Variants in DPP10 observed in about 807,000 individuals in gnomAD.
DPP10 encodes the protein inactive dipeptidyl peptidase 10.
DPP10 carries 33 observed loss-of-function variants against 120.9 expected under a neutral mutation model. The ratio of observed to expected loss-of-function variants is 0.27; its 90% CI spans 0.21 to 0.37. The LOEUF is 0.37. DPP10 is among the 10% of genes least tolerant of loss of function. The pLI, the probability that DPP10 is intolerant of heterozygous loss-of-function variation, is 1.00. For missense variants in DPP10, 816 were observed against 942.8 expected, an observed-to-expected ratio of 0.87 and a Z score of 1.76; for synonymous variants, 337 against 326.1, an observed-to-expected ratio of 1.03 and a Z score of -0.36.
At chr2:115,399,290 T>C (rs1233650820) in intron 3 of DPP10, among the ~76,000 whole-genome samples, 1 of 152,190 alleles carries the variant, frequency 6.6e-6, no homozygotes, top group Admixed American at 6.6e-5. Flanking sequence ...GGGTGGATAA[T>C]TATTTCTGTT....
chr2:115,355,684 G>T (rs2106326998), intron 3 of DPP10, among the ~76,000 whole-genome samples: 1 of 152,116 alleles, frequency 6.6e-6, no homozygotes, highest in Admixed American at 6.6e-5. Flanking sequence ...TTTTTAGTAT[G>T]TTGGGTTTTA....
At chr2:115,683,468 G>C (rs1041100360) in intron 5 of DPP10, among the ~76,000 whole-genome samples, 1 of 151,824 alleles carries the variant, frequency 6.6e-6, no homozygotes, top group African/African-American at 2.4e-5. Context: ...ACAACATCAA[G>C]AGTAAACCCT....
intron 1 of DPP10, among the ~76,000 whole-genome samples, chr2:114,711,949 T>C (rs1701054678): frequency 1.3e-5 from 2 of 152,186 alleles, no homozygotes; most frequent in African/African-American, 4.8e-5. Context: ...ATATGTAGAA[T>C]AGAAAGTCAA....
chr2:115,809,680 A>G (rs116600278), intron 19 of DPP10, among the ~76,000 whole-genome samples: 2,768 of 152,258 alleles, frequency 0.018, 83 homozygotes, highest in African/African-American at 0.061. Flanking sequence ...TAGAAAGAGC[A>G]ATGAACTGAG....
At chr2:115,567,096 A>G (rs2081051326) in intron 5 of DPP10, among the ~76,000 whole-genome samples, 1 of 152,130 alleles carries the variant, frequency 6.6e-6, no homozygotes, top group Admixed American at 6.5e-5. Context: ...ATGTCAAAGT[A>G]CAGATTTCAA....
In DPP10 at chr2:115,006,803, G is replaced by C. The variant is rs1701881134; in HGVS notation, c.61-302436G>C. The stretch of plus-strand genomic sequence containing the variant: ...AACACCCCACTGTCAACATTAGACA[G>C]ATCAATGAGACAGAAAGTCAACAAG... On this transcript the variant is annotated intron_variant, in intron 1 of 25. Coordinates refer to ENST00000410059, the MANE Select transcript of DPP10 (RefSeq NM_020868.6). Among the ~76,000 whole-genome samples the C allele has an allele frequency of 5.3e-5, 8 of 151,950 alleles. No individual in the cohort carries two copies. The South Asian group carries it at 1.7e-3, about 32-fold the overall frequency.
In DPP10 at chr2:115,342,788, T is replaced by A. The variant is rs182682435; in HGVS notation, c.176-1029T>A. 5.2e-4 allele frequency among the ~76,000 whole-genome samples: 79 copies of A among 152,340 alleles called. 2 individuals carry two copies. In the East Asian group the frequency reaches 0.014, roughly 28 times the overall value. ...ATCAAACAATACTCACTATTTTTAC[T>A]ATAATTTTTTTTCCATTTTTTCTTG... On this transcript the variant is annotated intron_variant, in intron 2 of 25. Coordinates refer to ENST00000410059, the MANE Select transcript of DPP10 (RefSeq NM_020868.6).
chr2:114,822,603 T>G (rs1686194814), intron 1 of DPP10, among the ~76,000 whole-genome samples: 1 of 152,098 alleles, frequency 6.6e-6, no homozygotes, highest in African/African-American at 2.4e-5. Context: ...GGCTGCAAAT[T>G]TTCCAAACTT....
At chr2:115,795,258 T>A (rs1257133735) in intron 19 of DPP10, among the ~76,000 whole-genome samples, 1 of 152,178 alleles carries the variant, frequency 6.6e-6, no homozygotes, top group East Asian at 1.9e-4. Flanking sequence ...AGGAGTTTAT[T>A]TCAGTACCAA....
At chr2:114,950,760 A>G (rs548027364) in intron 1 of DPP10, among the ~76,000 whole-genome samples, 37 of 152,294 alleles carry the variant, frequency 2.4e-4, no homozygotes, top group African/African-American at 8.7e-4. Flanking sequence ...AATCCAGAAC[A>G]GGGTTTCAAA....
At chr2:115,096,483 T>C (rs2104590913) in intron 1 of DPP10, among the ~76,000 whole-genome samples, 2 of 152,226 alleles carry the variant, frequency 1.3e-5, no homozygotes, top group African/African-American at 4.8e-5. Flanking sequence ...AGTAGGTAGA[T>C]TAGAGATAGC....
At chr2:115,242,485 C>CT (rs1311371957) in intron 1 of DPP10, among the ~76,000 whole-genome samples, 1 of 152,088 alleles carries the variant, frequency 6.6e-6, no homozygotes, top group African/African-American at 2.4e-5. Context: ...GTGCAAGTAT[C>CT]TTTTTTGTAT....
chr2:115,669,514 G>T (rs551499416), intron 5 of DPP10, among the ~76,000 whole-genome samples: 1 of 152,128 alleles, frequency 6.6e-6, no homozygotes, highest in Admixed American at 6.5e-5. Context: ...TAGTCAGAAA[G>T]TTCCCAGGTA....
intron 1 of DPP10, among the ~76,000 whole-genome samples, chr2:114,536,120 G>A (rs13409586): frequency 0.02 from 2,972 of 152,146 alleles, 40 homozygotes; most frequent in Middle Eastern, 0.079. Context: ...CTCTGCATTG[G>A]TGCATCCTGC....
At chr2:115,177,021 A>G (rs1029160467) in intron 1 of DPP10, among the ~76,000 whole-genome samples, 2 of 152,240 alleles carry the variant, frequency 1.3e-5, no homozygotes, top group Non-Finnish European at 2.9e-5. Context: ...TTTTAAGACA[A>G]AAAGTCACTC....
At chr2:114,889,413 T>C (rs917961201) in intron 1 of DPP10, among the ~76,000 whole-genome samples, 7 of 151,688 alleles carry the variant, frequency 4.6e-5, no homozygotes, top group Non-Finnish European at 1.0e-4. Context: ...ATTTTATACA[T>C]TATATATGTA....
intron 5 of DPP10, among the ~76,000 whole-genome samples, chr2:115,681,801 C>CT (rs375332157): frequency 4.0e-4 from 9 of 22,392 alleles, no homozygotes. Flanking sequence ...TCTCTTCCTT[C>CT]CTTCCTTCCT....
intron 1 of DPP10, among the ~76,000 whole-genome samples, chr2:115,232,629 C>A (rs1003688348): frequency 6.6e-6 from 1 of 152,204 alleles, no homozygotes; most frequent in Non-Finnish European, 1.5e-5. Flanking sequence ...TATGAGTGCT[C>A]GTATGCATTC....
At chr2:115,331,916 T>C (rs1445863454) in intron 2 of DPP10, among the ~76,000 whole-genome samples, 1 of 152,170 alleles carries the variant, frequency 6.6e-6, no homozygotes, top group African/African-American at 2.4e-5. Flanking sequence ...CAGGCTTTGG[T>C]ATCAGGATGA....
Sources: gnomAD v4.1 joint callset for allele counts (sites outside exome capture counted in the v4.1 genomes callset) on GRCh38, gnomAD v4.1.1 for gene constraint, MANE v1.5 for transcripts, NCBI Gene and HGNC (gene_info 2026-07-23, HGNC 2026-07-21) for gene names.